Variants in NXPH1 observed in about 807,000 individuals in gnomAD.
NXPH1 encodes neurexophilin-1.
Under a neutral mutation model 23.7 loss-of-function variants are expected in NXPH1, and 5 were observed. The ratio of observed to expected loss-of-function variants is 0.21; its 90% confidence interval spans 0.11 to 0.44. NXPH1 has a LOEUF of 0.44. Among genes scored for constraint, NXPH1 ranks in the 20% least tolerant of loss-of-function variants. NXPH1 has a pLI of 0.99. For synonymous variants in NXPH1, 144 were observed against 122.2 expected, an observed-to-expected ratio of 1.18 and a Z score of -1.18; for missense variants, 324 against 321.6, an observed-to-expected ratio of 1.01 and a Z score of -0.06.
chr7:8,737,040 T>C (rs568775397), intron 2 of NXPH1, among the ~76,000 whole-genome samples: 1 of 152,172 alleles, frequency 6.6e-6, no homozygotes, highest in Non-Finnish European at 1.5e-5. Flanking sequence ...GCATGTCAGA[T>C]GGGTCTCCTG....
intron 2 of NXPH1, among the ~76,000 whole-genome samples, chr7:8,683,940 C>A (rs1203407225): frequency 1.3e-5 from 2 of 152,090 alleles, no homozygotes; most frequent in East Asian, 3.8e-4. Flanking sequence ...CTTATTTCTA[C>A]TATGAGTCTG....
intron 2 of NXPH1, among the ~76,000 whole-genome samples, chr7:8,606,228 T>C (rs1405924835): frequency 1.3e-5 from 2 of 152,052 alleles, no homozygotes; most frequent in African/African-American, 4.8e-5. Flanking sequence ...TGATAGAAGA[T>C]GAGAGGAAAA....
chr7:8,623,165 T>G (rs1249534522), intron 2 of NXPH1, among the ~76,000 whole-genome samples: 2 of 152,068 alleles, frequency 1.3e-5, no homozygotes, highest in African/African-American at 4.8e-5. Flanking sequence ...GGCCTGAATT[T>G]AATGATGCAG....
intron 2 of NXPH1, among the ~76,000 whole-genome samples, chr7:8,659,007 T>A (rs76806184): frequency 0.25 from 4,368 of 17,712 alleles, 1,563 homozygotes; most frequent in East Asian, 0.97. Flanking sequence ...ATATATATAT[T>A]TTTTTTTTTT....
chr7:8,635,492 T>TG (rs976255405), intron 2 of NXPH1, among the ~76,000 whole-genome samples: 2 of 152,216 alleles, frequency 1.3e-5, no homozygotes, highest in African/African-American at 4.8e-5. Context: ...TGGTTTCTGG[T>TG]ATTTCCTCCA....
intron 2 of NXPH1, among the ~76,000 whole-genome samples, chr7:8,600,685 CTCTT>C (rs1819339243): frequency 6.6e-6 from 1 of 152,158 alleles, no homozygotes; most frequent in African/African-American, 2.4e-5. Flanking sequence ...TGAACCTTCT[CTCTT>C]CTCTATTACT....
chr7:8,646,670 T>G (rs1820404097), intron 2 of NXPH1, among the ~76,000 whole-genome samples: 1 of 152,112 alleles, frequency 6.6e-6, no homozygotes, highest in South Asian at 2.1e-4. Context: ...TTATAATATG[T>G]TTTTCCTATT....
At chr7:8,495,710 A>G (rs1406688716) in intron 2 of NXPH1, among the ~76,000 whole-genome samples, 1 of 152,042 alleles carries the variant, frequency 6.6e-6, no homozygotes. Context: ...CTCTGCCTCA[A>G]GCTTTGTGAA....
chr7:8,609,798 G>GA (rs1248744972), intron 2 of NXPH1, among the ~76,000 whole-genome samples: 4 of 152,088 alleles, frequency 2.6e-5, no homozygotes, highest in Admixed American at 2.6e-4. Context: ...ACATAACAGA[G>GA]ACTGCAGTTC....
intron 2 of NXPH1, among the ~76,000 whole-genome samples, chr7:8,694,867 T>A (rs114413234): frequency 1.1e-3 from 170 of 152,262 alleles, no homozygotes; most frequent in African/African-American, 3.9e-3. Context: ...GAGTAAAAAA[T>A]AACTGTTAAA....
intron 2 of NXPH1, among the ~76,000 whole-genome samples, chr7:8,514,709 CCAAA>C (rs1359721796): frequency 4.6e-5 from 7 of 152,104 alleles, no homozygotes; most frequent in African/African-American, 4.8e-5. Context: ...TCTCTCTGAT[CCAAA>C]CAGACACTGT....
intron 2 of NXPH1, among the ~76,000 whole-genome samples, chr7:8,726,838 T>C (rs963981842): frequency 2.6e-5 from 4 of 151,904 alleles, no homozygotes; most frequent in African/African-American, 9.7e-5. Context: ...TATAGTCCTT[T>C]GGGTATATAC....
At chr7:8,488,162 G>A (rs1391789780) in intron 2 of NXPH1, among the ~76,000 whole-genome samples, 1 of 151,984 alleles carries the variant, frequency 6.6e-6, no homozygotes, top group Non-Finnish European at 1.5e-5. Context: ...CACATTTTAT[G>A]GAAAGCATTA....
chr7:8,526,981 C>G (rs554600190), intron 2 of NXPH1, among the ~76,000 whole-genome samples: 1 of 152,198 alleles, frequency 6.6e-6, no homozygotes, highest in Middle Eastern at 3.4e-3. Flanking sequence ...CCAGTCAGGA[C>G]CACTCTGATG....
In NXPH1 at chr7:8,650,354, G is replaced by A. The variant is rs575730309; in HGVS notation, c.55-100654G>A. Among the ~76,000 whole-genome samples the A allele has an allele frequency of 2.6e-5, 4 of 152,218 alleles. No individual in the cohort carries two copies. The South Asian group carries it at 8.3e-4, about 32-fold the overall frequency. ...ACATAGAAGAAACAAATACCTTATA[G>A]TTCAATTAAACTAGCCTTTACCTTA... On this transcript the variant is annotated intron_variant, in intron 2 of 2. Transcript: ENST00000405863.
Position 8,577,436 on chromosome 7 carries a change from G to A in NXPH1, c.54+141669G>A, listed in dbSNP as rs150966045. Among the ~76,000 whole-genome samples, 425 of 152,230 alleles carry A rather than the reference G, an allele frequency of 2.8e-3. 1 individual carries two copies. The highest frequency in any genetic ancestry group is 5.0e-3 in the Non-Finnish European group (342 of 68,004). The stretch of plus-strand genomic sequence containing the variant: ...GGTGATTGGGGAATATGTATGTGTA[G>A]TTTCATTACTTGCTTCAGTATTCCT... On this transcript the variant is annotated intron_variant, in intron 2 of 2. Coordinates refer to ENST00000405863, the MANE Select transcript of NXPH1 (RefSeq NM_152745.3).
At chr7:8,521,657 G>T (rs746870434) in intron 2 of NXPH1, among the ~76,000 whole-genome samples, 1 of 152,150 alleles carries the variant, frequency 6.6e-6, no homozygotes, top group Non-Finnish European at 1.5e-5. Context: ...GAAGGGGTTC[G>T]CAATTGAGAT....
chr7:8,648,388 T>C (rs6415291), intron 2 of NXPH1, among the ~76,000 whole-genome samples: 108,000 of 152,110 alleles, frequency 0.71, 39,057 homozygotes, highest in East Asian at 1. Flanking sequence ...GATTTTTAGA[T>C]CCCACAGATA....
At chr7:8,473,861 C>T (rs150779116) in intron 2 of NXPH1, among the ~76,000 whole-genome samples, 210 of 152,118 alleles carry the variant, frequency 1.4e-3, no homozygotes, top group African/African-American at 4.8e-3. Context: ...AAAGAACCGA[C>T]GGTTTCAGCT....
Sources: allele counts gnomAD v4.1 joint callset (sites outside exome capture counted in the v4.1 genomes callset), GRCh38; gene constraint gnomAD v4.1.1; transcripts MANE v1.5; gene names NCBI Gene and HGNC (gene_info 2026-07-23, HGNC 2026-07-21).